The following BAHCC1 variants were observed in gnomAD, a reference collection of about 807,000 sequenced individuals.
BAHCC1 encodes the protein BAH domain and coiled-coil containing 1, also known as BAH and coiled-coil domain-containing protein 1.
BAHCC1 carries 43 observed loss-of-function variants against 88.2 expected under a neutral mutation model. That is an observed-to-expected ratio of 0.49 (90% confidence interval 0.38 to 0.63). BAHCC1 has a LOEUF of 0.63. BAHCC1 is among the 20% of genes least tolerant of loss of function. The pLI is 0.00. For missense variants in BAHCC1, 3,023 were observed against 1,654.8 expected, an observed-to-expected ratio of 1.83 and a Z score of -14.34; for synonymous variants, 1,510 against 745.5, an observed-to-expected ratio of 2.03 and a Z score of -16.71.
rs1555653067 is a variant in BAHCC1 at position 81,442,929 on chromosome 17, T to C, written c.1580T>C (p.Val527Ala). 1.3e-6 allele frequency: 1 copy of C among 778,910 alleles called. No homozygotes were observed. Among genetic ancestry groups the C allele is most frequent in the African/African-American group, 1.7e-5 (1 of 59,126 alleles). 48.2% of individuals were successfully genotyped at this position (778,910 alleles called of 1,614,324 possible). The change falls in exon 5 of 28, where the codon GTT (valine) becomes GCT (alanine). Residue 527 changes from valine to alanine, a missense_variant. By Grantham distance (64) the Val-to-Ala change is moderately conservative. Transcript: ENST00000675386. ...GCCTGCTGCACTTTAGATAAGACTG[T>C]TGGCAAGGAAGCCCCGGCCGGCCCC... Reference protein sequence around the residue: ...PQACCTLDKTVGKEAPAGPPG... With the variant: ...PQACCTLDKTAGKEAPAGPPG...
chr17:81,445,766 C>T (rs2064515485), intron 10 of BAHCC1, 85 bp downstream of exon 10: 2 of 661,228 alleles, frequency 3.0e-6, no homozygotes, highest in African/African-American at 1.8e-5. Context: ...TGAATCCGGG[C>T]TGCCTGCAGG....
intron 2 of BAHCC1, among the ~76,000 whole-genome samples, chr17:81,426,067 TGTG>T (rs2064192143): frequency 8.6e-6 from 1 of 116,206 alleles, no homozygotes; most frequent in African/African-American, 3.0e-5. Context: ...TGGTGGGTGA[TGTG>T]GTTGGTGGTG....
chr17:81,399,861 C>A lies in BAHCC1; in HGVS notation c.122C>A (p.Ala41Glu). 6.9e-7 allele frequency: 1 copy of A among 1,446,278 alleles called. No homozygotes were observed. Among genetic ancestry groups the A allele is most frequent in the Admixed American group, 2.6e-5 (1 of 37,784 alleles). The allele number at this position is 1,446,278 out of a possible 1,614,324, so 89.6% of individuals were successfully genotyped here. ...GCTGGGCCCGCCGCGCAGCCCCCCG[C>A]ACACTTCCAGCCGGGAAAGTACTTC... is the stretch of plus-strand genomic sequence containing the variant. ...APAGPAAQPP[A>E]HFQPGKYFPS... The change falls in exon 2 of 28, where the codon GCA becomes GAA. Residue 41 changes from alanine (A) to glutamate (E), a missense_variant. By Grantham distance (107) the Ala-to-Glu change is moderately radical (BLOSUM62 -1). Transcript: ENST00000675386. This position sits in a 1 kb window ranked among gnomAD's most constrained non-coding sequence, Gnocchi z 4.5.
At chr17:81,415,271 G>A (rs2064005529) in intron 2 of BAHCC1, among the ~76,000 whole-genome samples, 1 of 152,254 alleles carries the variant, frequency 6.6e-6, no homozygotes. Context: ...ACACAGCAGG[G>A]GACAGGTGTG....
At position 81,461,923 on chromosome 17, in the gene BAHCC1, G is replaced by A. The variant is rs782558306; in HGVS notation, c.7260G>A (p.Leu2420=). ...CCAAGCTCAAGCGCAAAGAGGCCCT[G>A]AGCTTCTCCAAAGCCAAAGAGCTCT... The part of the protein sequence containing the change: ...SKSKLKRKEA[L]SFSKAKELSR... Residue 2420 remains leucine (L), a synonymous_variant, in exon 26 of 28, where the codon CTG becomes CTA. Coordinates refer to ENST00000675386, the MANE Select transcript of BAHCC1 (RefSeq NM_001377448.1). 13 of 754,428 alleles carry A rather than the reference G, an allele frequency of 1.7e-5. No homozygotes were observed. The South Asian group carries it at 1.8e-4, about 11-fold the overall frequency. 46.7% of individuals were successfully genotyped at this position (754,428 alleles called of 1,614,324 possible).
Position 81,442,336 on chromosome 17 carries a change from G to A in BAHCC1, c.987G>A (p.Glu329=), listed in dbSNP as rs1380482844. 1 of 690,832 alleles carries A rather than the reference G, an allele frequency of 1.4e-6. No individual in the cohort carries two copies. The highest frequency in any genetic ancestry group is 1.5e-5 in the South Asian group (1 of 65,218). The allele number at this position is 690,832 out of a possible 1,614,324, so 42.8% of individuals were successfully genotyped here. A position where few individuals can be genotyped will look rare whatever the true frequency, so the allele number is the denominator to read the frequency against. ...RCAKEAAGPP[E]PGPAFSECLE... ...CAAAGGAGGCAGCAGGCCCCCCGGAGCCCGGGCCGGCCTTCAGCGAGTGCC... is the reference window on the plus strand; with the variant it reads ...CAAAGGAGGCAGCAGGCCCCCCGGAACCCGGGCCGGCCTTCAGCGAGTGCC... The change falls in exon 5 of 28, where the codon GAG becomes GAA. Residue 329 remains glutamate (E), a synonymous_variant. Transcript: ENST00000675386.
Position 81,458,421 on chromosome 17 carries a change from C to T in BAHCC1, c.5298C>T (p.Leu1766=). The change falls in exon 18 of 28, where the codon CTC becomes CTT. Residue 1766 remains leucine, a synonymous_variant. Transcript: ENST00000675386. ...GCAGCCAGCTGGCCAGTGAGCGCCT[C>T]AAGAGGGCCACGCGCAAGGGCACAG... ...EEGSQLASER[L]KRATRKGTVL... 2 of 742,542 alleles carry T rather than the reference C, an allele frequency of 2.7e-6. No homozygotes were observed. The highest frequency in any genetic ancestry group is 2.9e-5 in the South Asian group (2 of 69,826). The allele number at this position is 742,542 out of a possible 1,614,324, so 46.0% of individuals were successfully genotyped here. A position where few individuals can be genotyped will look rare whatever the true frequency, so the allele number is the denominator to read the frequency against.
intron 2 of BAHCC1, chr17:81,406,884 T>A: frequency 2.2e-6 from 1 of 456,292 alleles, no homozygotes; most frequent in Non-Finnish European, 4.4e-6. Flanking sequence ...CCAGCCGGGC[T>A]GGCATGCTGC....
rs781909536 is a variant in BAHCC1, at chr17:81,419,788, C to CTTTTTTTTTTTTTTTTTTTTT, written c.179-7012_179-7011insTTTTTTTTTTTTTTTTTTTTT. The stretch of plus-strand genomic sequence containing the variant: ...TGGAGCTGCCGCCATCTCAACGAGG[C>CTTTTTTTTTTTTTTTTTTTTT]GTTTTTTTTTTTTTTTTTTTTTACA... On this transcript the variant is annotated intron_variant, in intron 2 of 27. Coordinates refer to ENST00000675386, the MANE Select transcript of BAHCC1 (RefSeq NM_001377448.1). Among the ~76,000 whole-genome samples the CTTTTTTTTTTTTTTTTTTTTT allele has an allele frequency of 2.0e-5, 2 of 102,310 alleles. 1 individual carries two copies. The allele number at this position is 102,310 out of a possible 152,430, so 67.1% of individuals were successfully genotyped here.
rs200896394 is a variant in BAHCC1 at position 81,463,679 on chromosome 17, C to T, written c.7689C>T (p.Val2563=). Residue 2563 remains valine, a synonymous_variant, in exon 28 of 28, where the codon GTC becomes GTT. Transcript: ENST00000675386. The part of the protein sequence containing the change: ...DVQTISHKCQ[V]VAREQYEQMA... ...AGACCATCTCCCACAAGTGCCAGGT[C>T]GTGGCGCGCGAGCAGTATGAGCAGA... The T allele has an allele frequency of 7.5e-4, 582 of 779,578 alleles. No individual in the cohort carries two copies. Among genetic ancestry groups the T allele is most frequent in the Non-Finnish European group, 1.2e-3 (500 of 417,916 alleles). The allele number at this position is 779,578 out of a possible 1,614,324, so 48.3% of individuals were successfully genotyped here. A position where few individuals can be genotyped will look rare whatever the true frequency, so the allele number is the denominator to read the frequency against.
chr17:81,427,841 G>T (rs1796147215), intron 3 of BAHCC1, among the ~76,000 whole-genome samples: 1 of 152,202 alleles, frequency 6.6e-6, no homozygotes, highest in Non-Finnish European at 1.5e-5. Context: ...TGAGCGGCGG[G>T]CGTCGTGTTT....
At chr17:81,432,984 C>T (rs1160836748) in intron 3 of BAHCC1, among the ~76,000 whole-genome samples, 4 of 143,378 alleles carry the variant, frequency 2.8e-5, no homozygotes, top group African/African-American at 5.3e-5. Flanking sequence ...CTGCCCACTG[C>T]GTTCATTCTG....
At chr17:81,443,731 C>T (rs1433064192) in intron 5 of BAHCC1, 78 bp from the exon 6 acceptor site, 8 of 686,496 alleles carry the variant, frequency 1.2e-5, no homozygotes, top group East Asian at 2.7e-5. Flanking sequence ...CAGCTCGAAG[C>T]GGGGTCACTG....
chr17:81,421,224 G>A (rs1405681963), intron 2 of BAHCC1, among the ~76,000 whole-genome samples: 1 of 152,224 alleles, frequency 6.6e-6, no homozygotes, highest in African/African-American at 2.4e-5. Context: ...AGAGCCCTCA[G>A]CCCGGTTCCC....
chr17:81,448,085 C>T (rs1429979781), intron 11 of BAHCC1, among the ~76,000 whole-genome samples: 2 of 152,198 alleles, frequency 1.3e-5, no homozygotes, highest in Non-Finnish European at 2.9e-5. Context: ...CAGGACTAAC[C>T]TCCATGGTGG....
chr17:81,404,756 G>A (rs1056546281), intron 2 of BAHCC1, among the ~76,000 whole-genome samples: 4 of 152,146 alleles, frequency 2.6e-5, no homozygotes, highest in Non-Finnish European at 4.4e-5. Context: ...ATGTGCGAGC[G>A]CTTGGGACAG....
chr17:81,404,924 G>A (rs1347558869), intron 2 of BAHCC1, among the ~76,000 whole-genome samples: 1 of 152,110 alleles, frequency 6.6e-6, no homozygotes, highest in East Asian at 1.9e-4. Context: ...GTTTGGTTGG[G>A]GTGCCTCCTC....
At position 81,434,155 on chromosome 17, in the gene BAHCC1, A is replaced by C. The variant is rs928169247; in HGVS notation, c.359-4215A>C. On this transcript the variant is annotated intron_variant, in intron 3 of 27. Coordinates refer to ENST00000675386, the MANE Select transcript of BAHCC1 (RefSeq NM_001377448.1). This position sits in a 1 kb window ranked among gnomAD's most constrained non-coding sequence, Gnocchi z 4.9. Reference sequence around the variant, plus strand: ...GGTGGGGGAGGGGTGTCTGCTTCTGAGCCAGGAGGATGGGCCCTCGCTGGA... The same window carrying C: ...GGTGGGGGAGGGGTGTCTGCTTCTGCGCCAGGAGGATGGGCCCTCGCTGGA... Among the ~76,000 whole-genome samples, 2 of 152,116 alleles carry C rather than the reference A, an allele frequency of 1.3e-5. No homozygotes were observed. The highest frequency in any genetic ancestry group is 2.9e-5 in the Non-Finnish European group (2 of 68,014).
intron 2 of BAHCC1, among the ~76,000 whole-genome samples, chr17:81,425,144 TGGG>T (rs1568007151): frequency 1.9e-5 from 2 of 104,056 alleles, no homozygotes; most frequent in Non-Finnish European, 3.7e-5. Flanking sequence ...GTGATGTGGT[TGGG>T]GGTGATGGTG....
Sources: gnomAD v4.1 joint callset for allele counts (sites outside exome capture counted in the v4.1 genomes callset) on GRCh38, gnomAD v4.1.1 for gene constraint, Gnocchi (gnomAD v3.1) non-coding constraint, MANE v1.5 for transcripts, NCBI Gene and HGNC (gene_info 2026-07-23, HGNC 2026-07-21) for gene names.